PCDHA5: variants seen among roughly 807,000 people sequenced by gnomAD.
PCDHA5 encodes protocadherin alpha-5.
In PCDHA5, 43 loss-of-function variants were observed where a neutral mutation model predicts 61.6. The observed-to-expected ratio is 0.70, with a 90% confidence interval of 0.55 to 0.90. PCDHA5 has a LOEUF of 0.90. Among genes scored for constraint, PCDHA5 ranks in the 40% least tolerant of loss-of-function variants. PCDHA5 has a pLI of 0.00. For synonymous variants in PCDHA5, 627 were observed against 543.9 expected (o/e 1.15, Z -2.13); for missense variants, 1,298 against 1,222.7 (o/e 1.06, Z -0.92).
intron 1 of PCDHA5, chr5:140,870,144 T>C (rs782683134): frequency 1.9e-6 from 3 of 1,614,058 alleles, no homozygotes; most frequent in Admixed American, 1.7e-5. Flanking sequence ...ATAACTCTCC[T>C]GAAGTCGCCG....
chr5:141,001,792 T>C (rs1442216091), intron 3 of PCDHA5, among the ~76,000 whole-genome samples: 3 of 152,192 alleles, frequency 2.0e-5, no homozygotes, highest in African/African-American at 7.2e-5. Context: ...AGCCTGAGTA[T>C]ATACTATCAT....
chr5:140,953,542 A>G (rs2094901319), intron 1 of PCDHA5, among the ~76,000 whole-genome samples: 1 of 152,080 alleles, frequency 6.6e-6, no homozygotes, highest in Admixed American at 6.6e-5. Flanking sequence ...CTTCATGCTG[A>G]TTCTTTTCTC....
chr5:141,005,990 A>G (rs1375805001), intron 3 of PCDHA5, among the ~76,000 whole-genome samples: 6 of 151,998 alleles, frequency 3.9e-5, no homozygotes, highest in Admixed American at 3.9e-4. Flanking sequence ...GTGTTTGAGG[A>G]TCTGAAAGAA....
intron 1 of PCDHA5, chr5:140,857,200 C>A: frequency 1.3e-6 from 2 of 1,598,618 alleles, no homozygotes; most frequent in East Asian, 2.2e-5. Flanking sequence ...ACGGACAGGT[C>A]ACCTGCTCTC....
At chr5:140,836,418 T>C in intron 1 of PCDHA5, 3 of 1,613,726 alleles carry the variant, frequency 1.9e-6, no homozygotes. Context: ...ACCAAAGGCG[T>C]CGTCGCGGGC....
intron 1 of PCDHA5, among the ~76,000 whole-genome samples, chr5:140,932,100 CTG>C (rs2088033860): frequency 6.6e-6 from 1 of 151,792 alleles, no homozygotes; most frequent in African/African-American, 2.4e-5. Context: ...GTTTTTATCT[CTG>C]TATTTCCAAT....
chr5:140,854,040 T>A, intron 1 of PCDHA5: 1 of 281,106 alleles, frequency 3.6e-6, no homozygotes, highest in Non-Finnish European at 5.5e-6. Flanking sequence ...CACACATCTC[T>A]AGTCCCAATT....
chr5:140,824,555 G>A, intron 1 of PCDHA5: 1 of 172,410 alleles, frequency 5.8e-6, no homozygotes, highest in Non-Finnish European at 1.2e-5. Context: ...GGGCTCAAGT[G>A]ATCCTCCTAT....
intron 1 of PCDHA5, chr5:140,926,893 A>G: frequency 1.3e-6 from 2 of 1,547,320 alleles, no homozygotes; most frequent in Non-Finnish European, 1.7e-6. Context: ...TAGAGGGAGG[A>G]TGGTGGGCTG....
intron 3 of PCDHA5, among the ~76,000 whole-genome samples, chr5:141,002,135 G>C (rs1265359430): frequency 2.6e-5 from 4 of 152,236 alleles, no homozygotes; most frequent in Admixed American, 2.6e-4. Flanking sequence ...AGCCTTTGCC[G>C]GCTGCACTGA....
intron 1 of PCDHA5, among the ~76,000 whole-genome samples, chr5:140,945,892 G>T (rs1351699782): frequency 1.3e-5 from 2 of 152,018 alleles, no homozygotes; most frequent in African/African-American, 4.8e-5. Context: ...AGAAAACACA[G>T]TGGGAAAGAT....
chr5:140,877,509 G>T (rs781824762), intron 1 of PCDHA5: 21 of 1,613,700 alleles, frequency 1.3e-5, no homozygotes, highest in Non-Finnish European at 1.7e-5. Flanking sequence ...CAAAGACGTC[G>T]TCGCGGGCCT....
intron 1 of PCDHA5, chr5:140,868,381 A>C (rs1554161945): frequency 2.0e-5 from 3 of 152,316 alleles, no homozygotes; most frequent in Non-Finnish European, 4.4e-5. Flanking sequence ...GTAAAGAATG[A>C]GAACTATAGA....
intron 1 of PCDHA5, chr5:140,841,467 C>A: frequency 6.2e-7 from 1 of 1,612,946 alleles, no homozygotes; most frequent in Non-Finnish European, 8.5e-7. Context: ...GGCCGGATCG[C>A]GCAGGACCTG....
At chr5:140,973,273 C>A (rs1180418925) in intron 1 of PCDHA5, among the ~76,000 whole-genome samples, 1 of 152,150 alleles carries the variant, frequency 6.6e-6, no homozygotes, top group Non-Finnish European at 1.5e-5. Flanking sequence ...ACTTTTATTT[C>A]CCCCAGCACT....
Position 140,969,340 on chromosome 5 carries a change from G to A in PCDHA5, c.2353-9609G>A, listed in dbSNP as rs1262555926. 6 of 1,613,738 alleles carry A rather than the reference G, an allele frequency of 3.7e-6. No homozygotes were observed. The African/African-American group carries it at 5.3e-5, about 14-fold the overall frequency. On this transcript the variant is annotated intron_variant, in intron 1 of 3. Coordinates refer to ENST00000529859, the MANE Select transcript of PCDHA5 (RefSeq NM_018908.3). The stretch of plus-strand genomic sequence containing the variant: ...CTGTTTCTCAAAATGAGGTGAGACA[G>A]TGGTCAGGGGGTCTTCTACAAACTC...
intron 1 of PCDHA5, among the ~76,000 whole-genome samples, chr5:140,934,109 A>G (rs2089636629): frequency 6.6e-6 from 1 of 151,948 alleles, no homozygotes; most frequent in Non-Finnish European, 1.5e-5. Flanking sequence ...CTATTTTATT[A>G]ATTTTCATAC....
chr5:140,858,727 G>A (rs2045572985), intron 1 of PCDHA5: 2 of 482,238 alleles, frequency 4.1e-6, no homozygotes, highest in Non-Finnish European at 3.7e-6. Context: ...CAGTTCTGAC[G>A]ATTTACTTTC....
chr5:140,827,425 A>G (rs2150147472), intron 1 of PCDHA5, among the ~76,000 whole-genome samples: 1 of 152,380 alleles, frequency 6.6e-6, no homozygotes, highest in East Asian at 1.9e-4. Context: ...CTAGAATTTT[A>G]TCTTCCATCA....
Sources: gnomAD v4.1 joint callset for allele counts (sites outside exome capture counted in the v4.1 genomes callset) on GRCh38, gnomAD v4.1.1 for gene constraint, MANE v1.5 for transcripts, NCBI Gene and HGNC (gene_info 2026-07-23, HGNC 2026-07-21) for gene names.